PHF12: variants seen among roughly 807,000 people sequenced by gnomAD.
The protein encoded by PHF12 is PHD finger protein 12, also known as PHD factor 1.
In PHF12, 6 loss-of-function variants were observed where a neutral mutation model predicts 99.8. The observed-to-expected ratio is 0.06, with a 90% CI of 0.03 to 0.12. The LOEUF (loss-of-function observed/expected upper bound fraction) is 0.12, where lower values mean the gene tolerates loss of function less well. Among genes scored for constraint, PHF12 ranks in the 10% least tolerant of loss-of-function variants. PHF12 has a pLI of 1.00. For missense variants in PHF12, 954 were observed against 1,300.1 expected, an observed-to-expected ratio of 0.73 and a Z score of 4.09; for synonymous variants, 480 against 514.9, an observed-to-expected ratio of 0.93 and a Z score of 0.92.
chr17:28,944,068 A>C (rs1347196409), intron 2 of PHF12, among the ~76,000 whole-genome samples: 1 of 152,246 alleles, frequency 6.6e-6, no homozygotes, highest in Non-Finnish European at 1.5e-5. Flanking sequence ...AAGAACTTAC[A>C]ACAGACCAAC....
chr17:28,939,153 G>A, intron 2 of PHF12, among the ~76,000 whole-genome samples: 1 of 152,218 alleles, frequency 6.6e-6, no homozygotes, highest in Admixed American at 6.5e-5. Flanking sequence ...ATTTCCTTTG[G>A]TATGACAGTT....
At chr17:28,924,509 A>G in intron 3 of PHF12, 1 of 638,994 alleles carries the variant, frequency 1.6e-6, no homozygotes, top group South Asian at 1.9e-5. Context: ...GCATCAGAGA[A>G]TCACCAAAAA....
At chr17:28,924,995 C>G (rs2040242236) in intron 3 of PHF12, 1 of 151,212 alleles carries the variant, frequency 6.6e-6, no homozygotes, top group Non-Finnish European at 1.5e-5. Flanking sequence ...ATAGAGCCTT[C>G]TGACCTCCTG....
intron 2 of PHF12, among the ~76,000 whole-genome samples, chr17:28,927,511 G>A (rs143615646): frequency 1.3e-5 from 2 of 152,272 alleles, no homozygotes; most frequent in East Asian, 3.9e-4. Flanking sequence ...AGAAAGCTAT[G>A]CCTGTCAAAA....
rs1292940164 is a variant in PHF12 at position 28,951,034 on chromosome 17, G to A, written c.-74C>T. The A allele has an allele frequency of 6.2e-6, 10 of 1,605,804 alleles. No individual in the cohort carries two copies. The highest frequency in any genetic ancestry group is 8.5e-6 in the Non-Finnish European group (10 of 1,175,852). Reference sequence around the variant, plus strand: ...CGGGGGGAGGGGGGAGGTGAGGGGAGGGGGCGCTCCTGACCCCGGCCCCGC... The same window carrying A: ...CGGGGGGAGGGGGGAGGTGAGGGGAAGGGGCGCTCCTGACCCCGGCCCCGC... On this transcript the variant is annotated 5_prime_UTR_variant, in exon 1 of 15. Coordinates refer to ENST00000332830, the MANE Select transcript of PHF12 (RefSeq NM_001033561.2).
At chr17:28,924,737 G>A (rs1200725609) in intron 3 of PHF12, 3 of 251,214 alleles carry the variant, frequency 1.2e-5, no homozygotes, top group African/African-American at 6.9e-5. Flanking sequence ...GATCACCTGA[G>A]GTCAGGAGTT....
intron 2 of PHF12, among the ~76,000 whole-genome samples, chr17:28,932,679 C>T (rs1159447615): frequency 1.3e-5 from 2 of 152,106 alleles, no homozygotes; most frequent in Non-Finnish European, 2.9e-5. Context: ...GGTGTGGTGG[C>T]TCACGCCTGT....
At chr17:28,907,533 G>A in intron 13 of PHF12, 57 bp downstream of exon 13, 1 of 1,557,218 alleles carries the variant, frequency 6.4e-7, no homozygotes, top group Non-Finnish European at 8.9e-7. Context: ...AAAACCTACT[G>A]CCTGGGAGAG....
intron 11 of PHF12, 56 bp downstream of exon 11, chr17:28,910,170 T>C (rs1555603243): frequency 6.2e-7 from 1 of 1,612,352 alleles, no homozygotes; most frequent in African/African-American, 1.3e-5. Context: ...AAGGTGACCA[T>C]TCGCACACGT....
Position 28,906,237 on chromosome 17 carries a change from C to T in PHF12, c.2961G>A (p.Lys987=), listed in dbSNP as rs1386632747. Residue 987 remains lysine (K), a synonymous_variant, in exon 15 of 15, where the codon AAG becomes AAA. Transcript: ENST00000332830. This position sits in a 1 kb window ranked among gnomAD's most constrained non-coding sequence, Gnocchi z 4.2. The part of the protein sequence containing the change: ...SLLQDGVLAE[K]LSLKPHQGPV... Reference sequence around the variant, plus strand: ...GGCCCTGGTGGGGCTTGAGAGAGAGCTTCTCGGCCAAGACCCCATCCTGCA... The same window carrying T: ...GGCCCTGGTGGGGCTTGAGAGAGAGTTTCTCGGCCAAGACCCCATCCTGCA... 2 of 1,612,284 alleles carry T rather than the reference C, an allele frequency of 1.2e-6. No homozygotes were observed. The highest frequency in any genetic ancestry group is 1.3e-5 in the African/African-American group (1 of 74,894).
At chr17:28,911,919 G>C (rs956537529) in intron 9 of PHF12, among the ~76,000 whole-genome samples, 1 of 152,256 alleles carries the variant, frequency 6.6e-6, no homozygotes, top group Admixed American at 6.5e-5. Flanking sequence ...TGTGGCCTGA[G>C]GGCACGCTTC....
intron 3 of PHF12, chr17:28,924,581 C>T (rs994468087): frequency 1.2e-5 from 6 of 492,280 alleles, no homozygotes; most frequent in Non-Finnish European, 2.2e-5. Flanking sequence ...CATTGTATGA[C>T]ATACAACATC....
intron 2 of PHF12, among the ~76,000 whole-genome samples, chr17:28,944,307 C>G (rs982996874): frequency 2.6e-5 from 4 of 152,154 alleles, no homozygotes; most frequent in Non-Finnish European, 5.9e-5. Context: ...TTGGGACAGG[C>G]CTTAAGTGAA....
intron 2 of PHF12, among the ~76,000 whole-genome samples, chr17:28,945,990 G>A (rs989043764): frequency 2.6e-5 from 4 of 152,174 alleles, no homozygotes; most frequent in African/African-American, 9.7e-5. Flanking sequence ...AAGAAAATTA[G>A]CCAGGCCTGG....
intron 5 of PHF12, among the ~76,000 whole-genome samples, chr17:28,920,230 A>G (rs1242082896): frequency 6.6e-6 from 1 of 152,148 alleles, no homozygotes; most frequent in Non-Finnish European, 1.5e-5. Context: ...CTGCCACTCT[A>G]CTATCTAGTT....
intron 2 of PHF12, among the ~76,000 whole-genome samples, chr17:28,939,418 G>A (rs2040571893): frequency 6.6e-6 from 1 of 152,186 alleles, no homozygotes; most frequent in South Asian, 2.1e-4. Context: ...TGAGATTAAT[G>A]GAGCATAATT....
chr17:28,913,639 GC>G (rs1161215850), intron 8 of PHF12, among the ~76,000 whole-genome samples: 3 of 152,164 alleles, frequency 2.0e-5, no homozygotes, highest in Non-Finnish European at 2.9e-5. Flanking sequence ...GTATAGATTT[GC>G]CCATCTCACA....
At chr17:28,919,334 T>C in intron 5 of PHF12, 59 bp from the exon 6 acceptor site, 6 of 1,571,694 alleles carry the variant, frequency 3.8e-6, no homozygotes, top group Non-Finnish European at 5.2e-6. Flanking sequence ...CAAACTAACT[T>C]TGACCTGTGG....
Position 28,917,593 on chromosome 17 carries a change from G to A in PHF12, c.970-144C>T, listed in dbSNP as rs974462077. The A allele has an allele frequency of 1.7e-5, 15 of 857,384 alleles. No individual in the cohort carries two copies. The African/African-American group carries it at 2.6e-4, about 15-fold the overall frequency. 53.1% of individuals were successfully genotyped at this position (857,384 alleles called of 1,614,324 possible). A position where few individuals can be genotyped will look rare whatever the true frequency, so the allele number is the denominator to read the frequency against. On this transcript the variant is annotated intron_variant, in intron 6 of 14. Transcript: ENST00000332830. ...AGGGACCAGGATGTCGGCACTCTTTGTCAGAGAGCAAGGGAACATGGATGA... is the reference window on the plus strand; with the variant it reads ...AGGGACCAGGATGTCGGCACTCTTTATCAGAGAGCAAGGGAACATGGATGA...
Sources: gnomAD v4.1 joint callset for allele counts (sites outside exome capture counted in the v4.1 genomes callset) on GRCh38, gnomAD v4.1.1 for gene constraint, Gnocchi (gnomAD v3.1) non-coding constraint, MANE v1.5 for transcripts, NCBI Gene and HGNC (gene_info 2026-07-23, HGNC 2026-07-21) for gene names.